Variants in SH3RF3 observed in about 807,000 individuals in gnomAD.
SH3RF3 encodes the protein E3 ubiquitin-protein ligase SH3RF3.
Under a neutral mutation model 66.3 loss-of-function variants are expected in SH3RF3, and 29 were observed. That is an observed-to-expected ratio of 0.44 (90% confidence interval 0.33 to 0.60). The LOEUF (loss-of-function observed/expected upper bound fraction) is 0.60, where lower values mean the gene tolerates loss of function less well. SH3RF3 is among the 20% of genes least tolerant of loss of function. SH3RF3 has a pLI of 0.04. For synonymous variants in SH3RF3, 583 were observed against 532.0 expected, an observed-to-expected ratio of 1.10 and a Z score of -1.32; for missense variants, 1,194 against 1,190.9, an observed-to-expected ratio of 1.00 and a Z score of -0.04.
chr2:109,154,147 T>A (rs1677284130), intron 1 of SH3RF3, among the ~76,000 whole-genome samples: 1 of 152,178 alleles, frequency 6.6e-6, no homozygotes, highest in Admixed American at 6.5e-5. Context: ...AGCTTTGTCT[T>A]GGTTAGGGTT....
rs920567707 is a variant in SH3RF3, at chr2:109,279,750, C to T, written c.574-67924C>T. On this transcript the variant is annotated intron_variant, in intron 1 of 9. Transcript: ENST00000309415. ...AATTCAGTACGCTTGGGAGCAGTGA[C>T]GCGAAACTTCGCAGACGCTGACCTC... Among the ~76,000 whole-genome samples, 20 of 82,590 alleles carry T rather than the reference C, an allele frequency of 2.4e-4. 1 individual carries two copies. Among genetic ancestry groups the T allele is most frequent in the Admixed American group, 1.0e-3 (7 of 6,756 alleles). The allele number at this position is 82,590 out of a possible 152,430, so 54.2% of individuals were successfully genotyped here. A position where few individuals can be genotyped will look rare whatever the true frequency, so the allele number is the denominator to read the frequency against.
intron 8 of SH3RF3, among the ~76,000 whole-genome samples, chr2:109,467,952 G>A (rs1054740736): frequency 2.0e-5 from 3 of 152,198 alleles, no homozygotes; most frequent in Admixed American, 2.0e-4. Context: ...ACCTCCATGC[G>A]GGCTGCTGGG....
intron 1 of SH3RF3, among the ~76,000 whole-genome samples, chr2:109,199,133 G>T (rs1574498824): frequency 1.3e-5 from 2 of 152,034 alleles, no homozygotes; most frequent in East Asian, 3.9e-4. Context: ...GCTGAGGCGG[G>T]TGGATCACAA....
intron 1 of SH3RF3, among the ~76,000 whole-genome samples, chr2:109,151,420 T>G (rs1363892352): frequency 6.6e-6 from 1 of 152,160 alleles, no homozygotes; most frequent in Non-Finnish European, 1.5e-5. Flanking sequence ...AATTTTATAC[T>G]CCAAAGCAGC....
At chr2:109,364,451 A>T (rs757614680) in intron 2 of SH3RF3, among the ~76,000 whole-genome samples, 1 of 152,216 alleles carries the variant, frequency 6.6e-6, no homozygotes, top group Non-Finnish European at 1.5e-5. Context: ...TAAGTCTAAC[A>T]TTAGTTGCCA....
intron 1 of SH3RF3, among the ~76,000 whole-genome samples, chr2:109,295,919 C>T (rs1191168515): frequency 6.6e-6 from 1 of 152,166 alleles, no homozygotes; most frequent in Non-Finnish European, 1.5e-5. Flanking sequence ...CAGAACCCAG[C>T]CTCCTGCCTG....
At chr2:109,166,281 A>T (rs1197757707) in intron 1 of SH3RF3, among the ~76,000 whole-genome samples, 1 of 152,020 alleles carries the variant, frequency 6.6e-6, no homozygotes, top group East Asian at 1.9e-4. Context: ...GATCGAGACC[A>T]TCCTGGCCAA....
At chr2:109,295,174 C>A (rs1269131987) in intron 1 of SH3RF3, among the ~76,000 whole-genome samples, 1 of 152,234 alleles carries the variant, frequency 6.6e-6, no homozygotes, top group Admixed American at 6.5e-5. Flanking sequence ...GTGCCTGCCC[C>A]TCTCCACCCC....
At chr2:109,222,957 C>G (rs1349830648) in intron 1 of SH3RF3, among the ~76,000 whole-genome samples, 1 of 152,220 alleles carries the variant, frequency 6.6e-6, no homozygotes, top group Non-Finnish European at 1.5e-5. Flanking sequence ...GGCTACGGTC[C>G]CCATACTCTC....
intron 4 of SH3RF3, among the ~76,000 whole-genome samples, chr2:109,418,828 C>A (rs1676794402): frequency 6.6e-6 from 1 of 152,060 alleles, no homozygotes; most frequent in Non-Finnish European, 1.5e-5. Context: ...CAAGCTGGGT[C>A]GTAGGGGGAC....
At chr2:109,483,995 A>G (rs1384061915) in intron 8 of SH3RF3, among the ~76,000 whole-genome samples, 1 of 150,842 alleles carries the variant, frequency 6.6e-6, no homozygotes, top group Non-Finnish European at 1.5e-5. Flanking sequence ...GGATGCTCCC[A>G]GCGTCCACCA....
chr2:109,298,362 A>C (rs564310370), intron 1 of SH3RF3, among the ~76,000 whole-genome samples: 2 of 152,228 alleles, frequency 1.3e-5, no homozygotes, highest in South Asian at 4.1e-4. Flanking sequence ...AGCCTGGTTC[A>C]GTTTCTGCTG....
intron 1 of SH3RF3, among the ~76,000 whole-genome samples, chr2:109,162,729 T>C (rs1677517778): frequency 6.6e-6 from 1 of 152,262 alleles, no homozygotes; most frequent in African/African-American, 2.4e-5. Flanking sequence ...TATAATCCTT[T>C]GGGTATATAC....
intron 1 of SH3RF3, among the ~76,000 whole-genome samples, chr2:109,285,078 GC>G (rs1680998758): frequency 6.6e-6 from 1 of 152,230 alleles, no homozygotes; most frequent in Non-Finnish European, 1.5e-5. Flanking sequence ...CCTGGAAGAG[GC>G]CCAGGCAGCT....
chr2:109,369,323 T>C (rs1461351689), intron 2 of SH3RF3, among the ~76,000 whole-genome samples: 6 of 152,094 alleles, frequency 3.9e-5, no homozygotes, highest in African/African-American at 1.2e-4. Flanking sequence ...CACTCCAGTC[T>C]GGCGACAGCA....
At chr2:109,169,772 A>G (rs760627561) in intron 1 of SH3RF3, among the ~76,000 whole-genome samples, 6 of 149,938 alleles carry the variant, frequency 4.0e-5, no homozygotes, top group South Asian at 4.2e-4. Context: ...ACACACACAC[A>G]TGACCCCCCA....
intron 1 of SH3RF3, among the ~76,000 whole-genome samples, chr2:109,271,514 A>G (rs1308003700): frequency 6.6e-6 from 1 of 152,230 alleles, no homozygotes; most frequent in Non-Finnish European, 1.5e-5. Context: ...AGCCAACATG[A>G]CAGCAGTGAA....
Position 109,479,600 on chromosome 2 carries a change from G to A in SH3RF3, c.2149-11005G>A, listed in dbSNP as rs576436404. Among the ~76,000 whole-genome samples, 6 of 152,294 alleles carry A rather than the reference G, an allele frequency of 3.9e-5. No individual in the cohort carries two copies. The East Asian group carries it at 5.8e-4, about 15-fold the overall frequency. On this transcript the variant is annotated intron_variant, in intron 8 of 9. Coordinates refer to ENST00000309415, the MANE Select transcript of SH3RF3 (RefSeq NM_001099289.3). ...AGCCAGGGCAGGGCCAGGTGTGCCC[G>A]TACAGGACTGGCAGCCCAAGGCAAG...
At chr2:109,343,543 C>T (rs1682605510) in intron 1 of SH3RF3, among the ~76,000 whole-genome samples, 1 of 152,172 alleles carries the variant, frequency 6.6e-6, no homozygotes, top group African/African-American at 2.4e-5. Flanking sequence ...CCTCCTGGCT[C>T]ACCAGCCAGC....
Sources: allele counts gnomAD v4.1 joint callset (sites outside exome capture counted in the v4.1 genomes callset), GRCh38; gene constraint gnomAD v4.1.1; transcripts MANE v1.5; gene names NCBI Gene and HGNC (gene_info 2026-07-23, HGNC 2026-07-21).